SIN3A: variants seen among roughly 807,000 people sequenced by gnomAD.
SIN3A encodes SIN3 transcription regulator family member A.
SIN3A carries 14 observed loss-of-function variants against 146.1 expected under a neutral mutation model. The observed-to-expected ratio is 0.10, with a 90% CI of 0.06 to 0.15. SIN3A has a LOEUF of 0.15. SIN3A is among the 10% of genes least tolerant of loss of function. The pLI is 1.00. For missense variants in SIN3A, 1,028 were observed against 1,576.0 expected (o/e 0.65, Z 5.89); for synonymous variants, 572 against 572.0 (o/e 1.00, Z 0.00).
chr15:75,394,875 G>A lies in SIN3A; in HGVS notation c.2094-12C>T, dbSNP rs746696283. ...CTTTCATCTTCAACCTAGTGAAGCG[G>A]GAAGGGATGGAAACAACACATGGGA... On this transcript the variant is annotated splice_polypyrimidine_tract_variant and intron_variant, in intron 13 of 20. Coordinates refer to ENST00000394947, the MANE Select transcript of SIN3A (RefSeq NM_001145358.2). The A allele has an allele frequency of 3.7e-6, 6 of 1,608,874 alleles. No individual in the cohort carries two copies. The highest frequency in any genetic ancestry group is 1.1e-5 in the South Asian group (1 of 90,250).
At chr15:75,389,549 A>G in intron 16 of SIN3A, 103 bp downstream of exon 16, 1 of 1,114,148 alleles carries the variant, frequency 9.0e-7, no homozygotes. Context: ...CTACGTTCAT[A>G]AACACTGTTA....
chr15:75,378,895 TA>T (rs2072913841), intron 19 of SIN3A, among the ~76,000 whole-genome samples: 1 of 149,448 alleles, frequency 6.7e-6, no homozygotes. Context: ...GGGATATATA[TA>T]TATATATATA....
In SIN3A at chr15:75,394,727, G is replaced by A. The variant is rs1228940132; in HGVS notation, c.2230C>T (p.Leu744=). 4.3e-6 allele frequency: 7 copies of A among 1,614,008 alleles called. No individual in the cohort carries two copies. Among genetic ancestry groups the A allele is most frequent in the East Asian group, 2.2e-5 (1 of 44,858 alleles). The change falls in exon 14 of 21, where the codon CTG becomes TTG. Residue 744 remains leucine (L), a synonymous_variant. Coordinates refer to ENST00000394947, the MANE Select transcript of SIN3A (RefSeq NM_001145358.2). The part of the protein sequence containing the change: ...INFKQNDTKV[L]RSKSLLNEIE... ...TCATTGAGTAAGCTCTTAGACCTCA[G>A]GACCTTGGTGTCATTCTGTTTAAAG...
intron 1 of SIN3A, among the ~76,000 whole-genome samples, chr15:75,440,769 T>G (rs1174127570): frequency 3.3e-5 from 5 of 151,092 alleles, no homozygotes; most frequent in Non-Finnish European, 7.4e-5. Context: ...GATTACGAGG[T>G]CAGGAGATCG....
chr15:75,389,563 G>A, intron 16 of SIN3A, 89 bp downstream of exon 16: 1 of 1,289,816 alleles, frequency 7.8e-7, no homozygotes, highest in Non-Finnish European at 1.1e-6. Flanking sequence ...ACTGTTATAT[G>A]AAAAAGTTGC....
At chr15:75,449,731 G>A (rs577219027) in intron 1 of SIN3A, among the ~76,000 whole-genome samples, 2 of 152,086 alleles carry the variant, frequency 1.3e-5, no homozygotes, top group Admixed American at 6.6e-5. Context: ...AAAAAGAAAA[G>A]ACTTTTCACC....
At chr15:75,427,858 C>T (rs998571726) in intron 2 of SIN3A, among the ~76,000 whole-genome samples, 1 of 151,984 alleles carries the variant, frequency 6.6e-6, no homozygotes, top group African/African-American at 2.4e-5. Flanking sequence ...GTAATCCCAG[C>T]TACTCGGGAG....
intron 14 of SIN3A, among the ~76,000 whole-genome samples, chr15:75,393,469 C>T (rs565168864): frequency 1.8e-4 from 28 of 152,150 alleles, no homozygotes; most frequent in Admixed American, 1.6e-3. Context: ...CTCCGTCTCC[C>T]GGGTTCAAGC....
chr15:75,436,235 G>C (rs1394450123), intron 1 of SIN3A: 1 of 152,146 alleles, frequency 6.6e-6, no homozygotes, highest in Non-Finnish European at 1.5e-5. Flanking sequence ...ACTTTGGGAG[G>C]CCGAGGCAGG....
chr15:75,423,772 C>A (rs917402714), intron 2 of SIN3A, among the ~76,000 whole-genome samples: 1 of 152,144 alleles, frequency 6.6e-6, no homozygotes, highest in African/African-American at 2.4e-5. Flanking sequence ...GCAGACAGAT[C>A]ACTTGAGTTC....
chr15:75,377,294 A>G (rs1043638634), intron 19 of SIN3A, among the ~76,000 whole-genome samples: 5 of 152,240 alleles, frequency 3.3e-5, no homozygotes, highest in Non-Finnish European at 4.4e-5. Context: ...CTGACCATAC[A>G]ATGACATTAA....
chr15:75,425,690 C>A (rs992747623), intron 2 of SIN3A, among the ~76,000 whole-genome samples: 3 of 152,114 alleles, frequency 2.0e-5, no homozygotes, highest in Non-Finnish European at 4.4e-5. Context: ...TTTTTCAGAA[C>A]TTTTTTCCTT....
At chr15:75,449,899 C>A (rs1040782785) in intron 1 of SIN3A, among the ~76,000 whole-genome samples, 2 of 152,184 alleles carry the variant, frequency 1.3e-5, no homozygotes, top group African/African-American at 4.8e-5. Flanking sequence ...CCTGCCTCAG[C>A]CTCCCCAGTA....
intron 3 of SIN3A, chr15:75,421,048 G>A (rs902663076): frequency 1.3e-5 from 2 of 152,134 alleles, no homozygotes; most frequent in Non-Finnish European, 2.9e-5. Context: ...GTAAAAACTG[G>A]TGTTGTGCTT....
chr15:75,435,657 C>A (rs1386554738), intron 1 of SIN3A, among the ~76,000 whole-genome samples: 1 of 147,318 alleles, frequency 6.8e-6, no homozygotes, highest in Admixed American at 6.8e-5. Flanking sequence ...AAGATGGCGC[C>A]ACTGCACTCC....
At chr15:75,450,967 G>C (rs984402556) in intron 1 of SIN3A, among the ~76,000 whole-genome samples, 1 of 152,034 alleles carries the variant, frequency 6.6e-6, no homozygotes, top group African/African-American at 2.4e-5. Context: ...GAGGAACTCA[G>C]ACTTCACGCC....
At chr15:75,381,243 G>C (rs2141385216) in intron 18 of SIN3A, among the ~76,000 whole-genome samples, 1 of 152,156 alleles carries the variant, frequency 6.6e-6, no homozygotes, top group East Asian at 1.9e-4. Context: ...TGTCTATTCA[G>C]GGGTTGAAAA....
chr15:75,406,957 T>A lies in SIN3A; in HGVS notation c.1407+98A>T, dbSNP rs2073528128. 4 of 746,164 alleles carry A rather than the reference T, an allele frequency of 5.4e-6. No homozygotes were observed. In the South Asian group the frequency reaches 8.1e-5, roughly 15 times the overall value. 46.2% of individuals were successfully genotyped at this position (746,164 alleles called of 1,614,324 possible). On this transcript the variant is annotated intron_variant, in intron 9 of 20. Transcript: ENST00000394947. The stretch of plus-strand genomic sequence containing the variant: ...TATGTTAAAAAACAGAAAGTCCTAA[T>A]TAGCCTGACACCTTTAAAACGAAAC...
intron 15 of SIN3A, among the ~76,000 whole-genome samples, chr15:75,391,970 G>T (rs2073211716): frequency 6.6e-6 from 1 of 152,158 alleles, no homozygotes; most frequent in South Asian, 2.1e-4. Flanking sequence ...TGCCATTTGA[G>T]AAATTAACTG....
Sources: gnomAD v4.1 joint callset for allele counts (sites outside exome capture counted in the v4.1 genomes callset) on GRCh38, gnomAD v4.1.1 for gene constraint, MANE v1.5 for transcripts, NCBI Gene and HGNC (gene_info 2026-07-23, HGNC 2026-07-21) for gene names.